TMEM108: variants seen among roughly 807,000 people sequenced by gnomAD.
TMEM108 encodes the protein transmembrane protein 108.
A neutral mutation model predicts 35.1 loss-of-function variants in TMEM108; 12 were observed. The observed-to-expected ratio is 0.34, with a 90% CI of 0.22 to 0.55. The LOEUF (loss-of-function observed/expected upper bound fraction) is 0.55. Ranked by LOEUF, TMEM108 falls within the 20% of genes least tolerant of loss-of-function variation. The probability of loss-of-function intolerance (pLI) is 0.89; values close to 1 mark genes in which losing one functional copy is unlikely to be tolerated. For synonymous variants in TMEM108, 287 were observed against 308.6 expected (o/e 0.93, Z 0.73); for missense variants, 680 against 753.3 (o/e 0.90, Z 1.14).
At chr3:133,327,982 C>G (rs577485705) in intron 3 of TMEM108, among the ~76,000 whole-genome samples, 2 of 152,214 alleles carry the variant, frequency 1.3e-5, no homozygotes, top group East Asian at 3.9e-4. Context: ...AATTATTCTT[C>G]TCCTTGTTTT....
At chr3:133,065,309 T>G (rs753045854) in intron 2 of TMEM108, among the ~76,000 whole-genome samples, 1 of 151,660 alleles carries the variant, frequency 6.6e-6, no homozygotes, top group African/African-American at 2.4e-5. Context: ...CACACGCACA[T>G]GCACACACAC....
At chr3:133,296,391 G>T (rs79108024) in intron 3 of TMEM108, among the ~76,000 whole-genome samples, 2,562 of 152,096 alleles carry the variant, frequency 0.017, 69 homozygotes, top group African/African-American at 0.057. Flanking sequence ...AGAGTCAAGG[G>T]GCTTAGAACC....
At chr3:133,225,042 ATTTTTTT>A (rs11347955) in intron 2 of TMEM108, among the ~76,000 whole-genome samples, 2 of 112,936 alleles carry the variant, frequency 1.8e-5, no homozygotes, top group Admixed American at 9.3e-5. Flanking sequence ...AAACCTCCTA[ATTTTTTT>A]TTTTTTTTTT....
chr3:133,320,403 A>G (rs2071252299), intron 3 of TMEM108, among the ~76,000 whole-genome samples: 1 of 152,270 alleles, frequency 6.6e-6, no homozygotes, highest in South Asian at 2.1e-4. Context: ...GAAAGTTTCA[A>G]CAGTAGAATC....
chr3:133,193,427 C>T lies in TMEM108; in HGVS notation c.-46-35839C>T, dbSNP rs1217691161. Among the ~76,000 whole-genome samples, 5 of 152,190 alleles carry T rather than the reference C, an allele frequency of 3.3e-5. No individual in the cohort carries two copies. In the South Asian group the frequency reaches 8.3e-4, roughly 25 times the overall value. ...TTTCAAGGCTAATTTTTAAGAAACTCTACATTTTTTTTTATCTTGTAGGAA... is the reference window on the plus strand; with the variant it reads ...TTTCAAGGCTAATTTTTAAGAAACTTTACATTTTTTTTTATCTTGTAGGAA... On this transcript the variant is annotated intron_variant, in intron 2 of 5. Transcript: ENST00000321871.
intron 2 of TMEM108, among the ~76,000 whole-genome samples, chr3:133,057,465 A>ATCTATATATATATC (rs1559818465): frequency 2.6e-5 from 1 of 38,174 alleles, no homozygotes; most frequent in African/African-American, 7.3e-5. Context: ...ATATATATAT[A>ATCTATATATATATC]TATATATATA....
chr3:133,186,420 A>G (rs76371337), intron 2 of TMEM108, among the ~76,000 whole-genome samples: 2,612 of 152,292 alleles, frequency 0.017, 97 homozygotes, highest in African/African-American at 0.059. Context: ...TTACTGTCCT[A>G]TCTCTGAAAC....
chr3:133,080,689 C>G (rs2107697343), intron 2 of TMEM108, among the ~76,000 whole-genome samples: 1 of 152,220 alleles, frequency 6.6e-6, no homozygotes, highest in East Asian at 1.9e-4. Flanking sequence ...CACTCAGAAG[C>G]TGAAATTAGT....
intron 3 of TMEM108, among the ~76,000 whole-genome samples, chr3:133,368,983 A>G (rs1271691835): frequency 6.6e-6 from 1 of 152,184 alleles, no homozygotes; most frequent in Non-Finnish European, 1.5e-5. Context: ...TCTTAATCGC[A>G]TATTCCTACC....
chr3:133,046,910 T>G (rs576757124), intron 2 of TMEM108, among the ~76,000 whole-genome samples: 1 of 152,310 alleles, frequency 6.6e-6, no homozygotes, highest in South Asian at 2.1e-4. Context: ...TCAATACTGC[T>G]GAACCTTTGC....
At position 133,346,744 on chromosome 3, in the gene TMEM108, A is replaced by G. The variant is rs1012099332; in HGVS notation, c.41-33008A>G. On this transcript the variant is annotated intron_variant, in intron 3 of 5. Coordinates refer to ENST00000321871, the MANE Select transcript of TMEM108 (RefSeq NM_023943.4). The surrounding 1 kb of genome is among the most constrained non-coding windows in gnomAD (Gnocchi z 4.0). ...CCCAAAGTCACCTAAATTTTCTCCT[A>G]TGTTATCTTCTACAAGTTCTATAGT... 6.6e-6 allele frequency among the ~76,000 whole-genome samples: 1 copy of G among 151,932 alleles called. No homozygotes were observed. Among genetic ancestry groups the G allele is most frequent in the African/African-American group, 2.4e-5 (1 of 41,398 alleles).
chr3:133,151,851 A>G (rs1253689386), intron 2 of TMEM108, among the ~76,000 whole-genome samples: 1 of 152,174 alleles, frequency 6.6e-6, no homozygotes, highest in Non-Finnish European at 1.5e-5. Flanking sequence ...TAAACATTTC[A>G]CAGCACCTCC....
At chr3:133,255,862 G>C (rs957961031) in intron 3 of TMEM108, among the ~76,000 whole-genome samples, 2 of 152,068 alleles carry the variant, frequency 1.3e-5, no homozygotes, top group African/African-American at 4.8e-5. Context: ...GGTGGTGCAC[G>C]CCTGTCATCC....
intron 3 of TMEM108, among the ~76,000 whole-genome samples, chr3:133,290,307 G>T (rs1484898852): frequency 6.6e-6 from 1 of 152,134 alleles, no homozygotes; most frequent in African/African-American, 2.4e-5. Flanking sequence ...CCTTTTCTAT[G>T]AGACTTAGTT....
At chr3:133,358,616 A>G (rs1256498899) in intron 3 of TMEM108, among the ~76,000 whole-genome samples, 1 of 152,178 alleles carries the variant, frequency 6.6e-6, no homozygotes, top group African/African-American at 2.4e-5. Flanking sequence ...AGGGGAATAG[A>G]GGGGAAGGAG....
chr3:133,355,594 A>C (rs1425677670), intron 3 of TMEM108, among the ~76,000 whole-genome samples: 1 of 152,262 alleles, frequency 6.6e-6, no homozygotes, highest in Non-Finnish European at 1.5e-5. Context: ...TTCATGGAAC[A>C]AATGTCATCA....
intron 2 of TMEM108, among the ~76,000 whole-genome samples, chr3:133,057,964 G>A (rs1943492398): frequency 6.6e-6 from 1 of 152,144 alleles, no homozygotes; most frequent in South Asian, 2.1e-4. Context: ...TACGTTACTT[G>A]TTAATCCTTC....
intron 2 of TMEM108, among the ~76,000 whole-genome samples, chr3:133,146,240 G>C (rs1298163271): frequency 6.6e-6 from 1 of 152,156 alleles, no homozygotes; most frequent in Non-Finnish European, 1.5e-5. Flanking sequence ...TTTTGTCATT[G>C]GTTCTGTTTA....
At chr3:133,078,158 T>TGTGTGC (rs770304551) in intron 2 of TMEM108, among the ~76,000 whole-genome samples, 2 of 116,772 alleles carry the variant, frequency 1.7e-5, no homozygotes, top group Non-Finnish European at 3.8e-5. Context: ...TGTGTGTGTG[T>TGTGTGC]GCACGCGCGC....
Sources: gnomAD v4.1 joint callset for allele counts (sites outside exome capture counted in the v4.1 genomes callset) on GRCh38, gnomAD v4.1.1 for gene constraint, Gnocchi (gnomAD v3.1) non-coding constraint, MANE v1.5 for transcripts, NCBI Gene and HGNC (gene_info 2026-07-23, HGNC 2026-07-21) for gene names.